LAIR1: variants seen among roughly 807,000 people sequenced by gnomAD.
The protein encoded by LAIR1 is leukocyte-associated immunoglobulin-like receptor 1.
Under a neutral mutation model 32.8 loss-of-function variants are expected in LAIR1, and 24 were observed. The observed-to-expected ratio is 0.73, with a 90% confidence interval of 0.53 to 1.03. The LOEUF (loss-of-function observed/expected upper bound fraction) is 1.03. Ranked by LOEUF, LAIR1 falls within the 50% of genes least tolerant of loss-of-function variation. The probability of loss-of-function intolerance (pLI) is 0.00; values close to 1 mark genes in which losing one functional copy is unlikely to be tolerated. For missense variants in LAIR1, 355 were observed against 347.5 expected, an observed-to-expected ratio of 1.02 and a Z score of -0.17; for synonymous variants, 150 against 140.5, an observed-to-expected ratio of 1.07 and a Z score of -0.48.
At chr19:54,363,592 T>C (rs575430669) in intron 2 of LAIR1, among the ~76,000 whole-genome samples, 1 of 152,306 alleles carries the variant, frequency 6.6e-6, no homozygotes, top group East Asian at 1.9e-4. Context: ...GTGCTGTGTA[T>C]ATGCAATGGA....
At chr19:54,369,396 G>A (rs534201534), upstream of LAIR1, among the ~76,000 whole-genome samples, 3 of 151,536 alleles carry the variant, frequency 2.0e-5, no homozygotes, top group South Asian at 6.3e-4. Flanking sequence ...AGGAGTGGCT[G>A]GCAGAATCGA....
chr19:54,366,995 G>T (rs2082278032), upstream of LAIR1, among the ~76,000 whole-genome samples: 1 of 152,214 alleles, frequency 6.6e-6, no homozygotes, highest in East Asian at 1.9e-4. Context: ...CAAGTAGGCT[G>T]CTGGGCAACG....
In LAIR1 at chr19:54,355,102, G is replaced by C. The variant is rs973974328; in HGVS notation, c.*166C>G. ...GACCACCTGGCTAACGAACCTTCTG[G>C]ATGCTGGTTAGAAACCTCCAGTCTC... On this transcript the variant is annotated 3_prime_UTR_variant, in exon 10 of 10. Transcript: ENST00000391742. This position sits in a 1 kb window ranked among gnomAD's most constrained non-coding sequence, Gnocchi z 4.7. 1 of 634,878 alleles carries C rather than the reference G, an allele frequency of 1.6e-6. No homozygotes were observed. The highest frequency in any genetic ancestry group is 2.7e-6 in the Non-Finnish European group (1 of 367,448). 39.3% of individuals were successfully genotyped at this position (634,878 alleles called of 1,614,324 possible).
chr19:54,368,192 T>G (rs572917786), upstream of LAIR1: 4 of 152,308 alleles, frequency 2.6e-5, no homozygotes, highest in South Asian at 8.3e-4. Context: ...ACCTTGATGA[T>G]GATGAATTAA....
chr19:54,357,910 T>A lies in LAIR1; in HGVS notation c.416-944A>T, dbSNP rs370682850. The A allele has an allele frequency of 4.0e-5, 6 of 151,536 alleles. No homozygotes were observed. In the East Asian group the frequency reaches 5.9e-4, roughly 15 times the overall value. The allele number at this position is 151,536 out of a possible 1,614,324, so 9.4% of individuals were successfully genotyped here. A position where few individuals can be genotyped will look rare whatever the true frequency, so the allele number is the denominator to read the frequency against. On this transcript the variant is annotated intron_variant, in intron 4 of 9. Coordinates refer to ENST00000391742, the MANE Select transcript of LAIR1 (RefSeq NM_002287.6). ...TTCCTGGGCTTGGTCTTCATAACATTTGCCACCATTTAAAATTACATATGT... is the reference window on the plus strand; with the variant it reads ...TTCCTGGGCTTGGTCTTCATAACATATGCCACCATTTAAAATTACATATGT...
intron 4 of LAIR1, 85 bp from the exon 5 acceptor site, chr19:54,357,051 G>T: frequency 7.5e-7 from 1 of 1,335,142 alleles, no homozygotes; most frequent in Non-Finnish European, 1.1e-6. Context: ...TCCACTGTGG[G>T]GATCTCCCTT....
chr19:54,365,021 G>C, upstream of LAIR1: 1 of 1,429,720 alleles, frequency 7.0e-7, no homozygotes, highest in South Asian at 1.5e-5. Context: ...TCTGAAAAAT[G>C]TCGCTTACCC....
upstream of LAIR1, among the ~76,000 whole-genome samples, chr19:54,366,182 C>T (rs2082246612): frequency 6.6e-6 from 1 of 152,148 alleles, no homozygotes; most frequent in East Asian, 1.9e-4. Flanking sequence ...TACGACCCAT[C>T]GTCAGCAATA....
intron 5 of LAIR1, 145 bp downstream of exon 5, chr19:54,356,783 G>A (rs1171373909): frequency 3.8e-5 from 45 of 1,177,532 alleles, no homozygotes; most frequent in Non-Finnish European, 5.1e-5. Context: ...TTCCACCACC[G>A]GGGTCCTGAG....
the LAIR1 span, among the ~76,000 whole-genome samples, chr19:54,375,615 G>A: frequency 2.0e-4 from 30 of 152,166 alleles, no homozygotes; most frequent in Non-Finnish European, 3.4e-4. Flanking sequence ...CCAACCTGGA[G>A]GTCAGACTTG....
chr19:54,361,150 G>T lies in LAIR1; in HGVS notation c.130C>A (p.His44Asn). Residue 44 changes from histidine to asparagine, a missense_variant, in exon 3 of 10, where the codon CAT becomes AAT. His to Asn is a moderately conservative substitution (Grantham distance 68). Coordinates refer to ENST00000391742, the MANE Select transcript of LAIR1 (RefSeq NM_002287.6). ...EPGTVIPLGS[H>N]VTFVCRGPVG... ...GGGCCCCGGCACACGAAAGTCACAT[G>T]GCTCCCCAGGGGGATCACGGTGCCT... The T allele has an allele frequency of 6.2e-7, 1 of 1,614,138 alleles. No individual in the cohort carries two copies. Among genetic ancestry groups the T allele is most frequent in the Non-Finnish European group, 8.5e-7 (1 of 1,180,022 alleles).
chr19:54,352,208 C>T lies in LAIR1; in HGVS notation c.*3060G>A, dbSNP rs2081544961. ...CCCATCTGGCCCCGGTGAGGCTGCT[C>T]CTCCCTTTCACGTTGGGCCCCACTG... On this transcript the variant is annotated 3_prime_UTR_variant, in exon 10 of 10. Transcript: ENST00000391742. The T allele has an allele frequency of 6.5e-6, 1 of 153,672 alleles. No individual in the cohort carries two copies. Among genetic ancestry groups the T allele is most frequent in the Non-Finnish European group, 1.5e-5 (1 of 68,198 alleles). The allele number at this position is 153,672 out of a possible 1,614,324, so 9.5% of individuals were successfully genotyped here. A position where few individuals can be genotyped will look rare whatever the true frequency, so the allele number is the denominator to read the frequency against.
In LAIR1 at chr19:54,364,358, T is replaced by C. The variant is rs930247283; in HGVS notation, c.35-28A>G. 6.2e-7 allele frequency: 1 copy of C among 1,613,768 alleles called. No homozygotes were observed. Among genetic ancestry groups the C allele is most frequent in the Non-Finnish European group, 8.5e-7 (1 of 1,179,822 alleles). ...GGAAGAGAAGCCCCAGTGAGAAAAATGCCCAGTGCCCAGTCTCCTTACGGG... is the reference window on the plus strand; with the variant it reads ...GGAAGAGAAGCCCCAGTGAGAAAAACGCCCAGTGCCCAGTCTCCTTACGGG... On this transcript the variant is annotated intron_variant, in intron 1 of 9. Coordinates refer to ENST00000391742, the MANE Select transcript of LAIR1 (RefSeq NM_002287.6). This position sits in a 1 kb window ranked among gnomAD's most constrained non-coding sequence, Gnocchi z 4.8.
chr19:54,357,154 A>G lies in LAIR1; in HGVS notation c.416-188T>C, dbSNP rs1430395633. ...AAACTTTCTACATCTACTGTCCAGC[A>G]TGAGAGTCACACATAGCTATTGATA... On this transcript the variant is annotated intron_variant, in intron 4 of 9. Transcript: ENST00000391742. 5.1e-6 allele frequency: 3 copies of G among 592,354 alleles called. No homozygotes were observed. In the African/African-American group the frequency reaches 5.6e-5, roughly 11 times the overall value. 36.7% of individuals were successfully genotyped at this position (592,354 alleles called of 1,614,324 possible). A position where few individuals can be genotyped will look rare whatever the true frequency, so the allele number is the denominator to read the frequency against.
intron 8 of LAIR1, 34 bp from the exon 9 acceptor site, chr19:54,356,040 G>A: frequency 6.4e-7 from 1 of 1,563,428 alleles, no homozygotes; most frequent in Non-Finnish European, 8.8e-7. Flanking sequence ...GTTTTCTGGG[G>A]AGGATGTCGC....
rs796346753 is a variant in LAIR1 at position 54,354,490 on chromosome 19, G to A, written c.*778C>T. 1.3e-5 allele frequency: 2 copies of A among 152,236 alleles called. No individual in the cohort carries two copies. The highest frequency in any genetic ancestry group is 1.9e-4 in the East Asian group (1 of 5,202). 9.4% of individuals were successfully genotyped at this position (152,236 alleles called of 1,614,324 possible). On this transcript the variant is annotated 3_prime_UTR_variant, in exon 10 of 10. Transcript: ENST00000391742. ...TTGTGACTGTCATTGCACAATGTAC[G>A]TGTACGACAAATTATCACATTTTAC... is the stretch of plus-strand genomic sequence containing the variant.
rs2081645302 is a variant in LAIR1 at position 54,355,358 on chromosome 19, G to A, written c.774C>T (p.Ala258=). Residue 258 remains alanine (A), a synonymous_variant, in exon 10 of 10, where the codon GCC becomes GCT. Transcript: ENST00000391742. The surrounding 1 kb of genome is among the most constrained non-coding windows in gnomAD (Gnocchi z 4.7). ...EVTYAQLDHW[A]LTQRTARAVS... ...CAGCCCGGGCTGTCCTCTGTGTGAGGGCCCAGTGGTCCAGCTGAGCATACG... is the reference window on the plus strand; with the variant it reads ...CAGCCCGGGCTGTCCTCTGTGTGAGAGCCCAGTGGTCCAGCTGAGCATACG... 6.2e-7 allele frequency: 1 copy of A among 1,613,232 alleles called. No homozygotes were observed. Among genetic ancestry groups the A allele is most frequent in the Non-Finnish European group, 8.5e-7 (1 of 1,179,526 alleles).
In LAIR1 at chr19:54,355,478, A is replaced by C; in HGVS notation, c.718-64T>G. ...GAGGGTGAGACGAGGGGCTGTGGGG[A>C]GGGAGGGCTGTGGCGGCCATCTCCA... On this transcript the variant is annotated intron_variant, in intron 9 of 9. Transcript: ENST00000391742. The surrounding 1 kb of genome is among the most constrained non-coding windows in gnomAD (Gnocchi z 4.7). 6.9e-7 allele frequency: 1 copy of C among 1,447,686 alleles called. No homozygotes were observed. The highest frequency in any genetic ancestry group is 1.4e-5 in the African/African-American group (1 of 70,452). The allele number at this position is 1,447,686 out of a possible 1,614,324, so 89.7% of individuals were successfully genotyped here.
At chr19:54,367,069 C>T (rs921755561), upstream of LAIR1, among the ~76,000 whole-genome samples, 1 of 152,070 alleles carries the variant, frequency 6.6e-6, no homozygotes, top group Non-Finnish European at 1.5e-5. Flanking sequence ...ATCTCATCTA[C>T]CCCATAAATA....
Sources: allele counts gnomAD v4.1 joint callset (sites outside exome capture counted in the v4.1 genomes callset), GRCh38; gene constraint gnomAD v4.1.1; non-coding constraint Gnocchi (gnomAD v3.1); transcripts MANE v1.5; gene names NCBI Gene and HGNC (gene_info 2026-07-23, HGNC 2026-07-21).